The following EBF1 variants were observed in gnomAD, a reference collection of about 807,000 sequenced individuals.
EBF1 encodes EBF transcription factor 1.
In EBF1, 10 loss-of-function variants were observed where a neutral mutation model predicts 68.4. The observed-to-expected ratio is 0.15, with a 90% CI of 0.09 to 0.25. The LOEUF is 0.25. Among genes scored for constraint, EBF1 ranks in the 10% least tolerant of loss-of-function variants. EBF1 has a pLI of 1.00. For missense variants in EBF1, 509 were observed against 794.4 expected (o/e 0.64, Z 4.32); for synonymous variants, 298 against 299.8 (o/e 0.99, Z 0.06).
intron 3 of EBF1, 173 bp downstream of exon 3, chr5:159,096,170 A>AGGAGCCTCCTCAGGT: frequency 1.5e-6 from 1 of 663,546 alleles, no homozygotes; most frequent in Non-Finnish European, 2.5e-6. Context: ...TTGGGCCACT[A>AGGAGCCTCCTCAGGT]GGAGCCTCCT....
intron 6 of EBF1, among the ~76,000 whole-genome samples, chr5:158,995,586 A>C (rs957665721): frequency 2.0e-5 from 3 of 152,186 alleles, no homozygotes; most frequent in African/African-American, 7.2e-5. Flanking sequence ...CGAACAGGGC[A>C]TCCTGTGGAG....
At chr5:158,866,855 A>ATG (rs56344121) in intron 6 of EBF1, among the ~76,000 whole-genome samples, 199 of 12,254 alleles carry the variant, frequency 0.016, 4 homozygotes, top group South Asian at 0.037. Context: ...ATATATATAT[A>ATG]TATATATATA....
At chr5:158,842,254 CT>C (rs982020208) in intron 6 of EBF1, among the ~76,000 whole-genome samples, 5 of 152,224 alleles carry the variant, frequency 3.3e-5, no homozygotes, top group African/African-American at 1.2e-4. Context: ...GGTAGCCCTG[CT>C]GATCACACAT....
At chr5:158,699,280 T>G in intron 15 of EBF1, 138 bp from the exon 16 acceptor site, 1 of 749,690 alleles carries the variant, frequency 1.3e-6, no homozygotes, top group Non-Finnish European at 2.1e-6. Flanking sequence ...TGCTCTCATC[T>G]TCTCTGGAAT....
At chr5:158,707,655 A>G (rs557094080) in intron 15 of EBF1, 2 of 332,220 alleles carry the variant, frequency 6.0e-6, no homozygotes, top group African/African-American at 2.0e-5. Context: ...GGCGACCACA[A>G]GGAGTGAAAG....
intron 5 of EBF1, among the ~76,000 whole-genome samples, chr5:159,076,998 A>G (rs1404609960): frequency 1.3e-5 from 2 of 152,248 alleles, no homozygotes; most frequent in East Asian, 3.8e-4. Context: ...GCAGAATACT[A>G]TTCAAAGTAT....
rs543054774 is a variant in EBF1 at position 159,081,861 on chromosome 5, G to A, written c.485+2805C>T. On this transcript the variant is annotated intron_variant, in intron 5 of 15. Transcript: ENST00000313708. The stretch of plus-strand genomic sequence containing the variant: ...TGTGGGGCCGTATTATTTTAAGAGC[G>A]TAGCCAACAGGTATAGCAAAATGTA... 5.9e-5 allele frequency among the ~76,000 whole-genome samples: 9 copies of A among 152,234 alleles called. No individual in the cohort carries two copies. In the South Asian group the frequency reaches 1.5e-3, roughly 25 times the overall value.
At chr5:158,981,723 T>G (rs1263784933) in intron 6 of EBF1, among the ~76,000 whole-genome samples, 1 of 152,222 alleles carries the variant, frequency 6.6e-6, no homozygotes, top group Non-Finnish European at 1.5e-5. Flanking sequence ...GTGCACATGA[T>G]ATAATCCACA....
At chr5:158,789,706 G>A (rs1778208996) in intron 9 of EBF1, among the ~76,000 whole-genome samples, 1 of 152,120 alleles carries the variant, frequency 6.6e-6, no homozygotes, top group African/African-American at 2.4e-5. Context: ...CTGAAAAAAG[G>A]TTTCTCAAGG....
rs543938981 is a variant in EBF1, at chr5:158,930,277, T to G, written c.555-90167A>C. 4.0e-5 allele frequency among the ~76,000 whole-genome samples: 6 copies of G among 150,272 alleles called. No homozygotes were observed. The East Asian group carries it at 7.8e-4, about 19-fold the overall frequency. On this transcript the variant is annotated intron_variant, in intron 6 of 15. Coordinates refer to ENST00000313708, the MANE Select transcript of EBF1 (RefSeq NM_024007.5). Reference sequence around the variant, plus strand: ...GTTTTTTTGTTTTTTTTTTTGTTTGTTTTTTTTTGGTTGTTAAGTCTCCCA... The same window carrying G: ...GTTTTTTTGTTTTTTTTTTTGTTTGGTTTTTTTTGGTTGTTAAGTCTCCCA...
At chr5:159,011,505 G>C (rs867842168) in intron 6 of EBF1, among the ~76,000 whole-genome samples, 1 of 152,170 alleles carries the variant, frequency 6.6e-6, no homozygotes, top group Non-Finnish European at 1.5e-5. Context: ...GGTAAGTTTG[G>C]GGGGCTGGTT....
chr5:159,038,487 G>A (rs1453206225), intron 6 of EBF1, among the ~76,000 whole-genome samples: 1 of 152,194 alleles, frequency 6.6e-6, no homozygotes, highest in Non-Finnish European at 1.5e-5. Context: ...ATGCAGGGTG[G>A]CACTAGTATT....
intron 6 of EBF1, among the ~76,000 whole-genome samples, chr5:158,878,175 C>T (rs768129955): frequency 5.9e-5 from 9 of 151,878 alleles, no homozygotes; most frequent in Non-Finnish European, 8.8e-5. Flanking sequence ...GACTTTGCAA[C>T]GAACAGCAAT....
intron 6 of EBF1, among the ~76,000 whole-genome samples, chr5:159,042,238 G>C (rs553842376): frequency 3.3e-5 from 5 of 152,156 alleles, no homozygotes; most frequent in Non-Finnish European, 5.9e-5. Context: ...CTGGATCTGA[G>C]AAGATCAGAT....
intron 4 of EBF1, among the ~76,000 whole-genome samples, chr5:159,093,189 C>T (rs1437514551): frequency 6.6e-6 from 1 of 152,158 alleles, no homozygotes; most frequent in Admixed American, 6.5e-5. Context: ...TAACCTACTT[C>T]CAAAACTCTT....
At chr5:159,090,452 T>C (rs1228153650) in intron 4 of EBF1, among the ~76,000 whole-genome samples, 1 of 152,150 alleles carries the variant, frequency 6.6e-6, no homozygotes, top group Non-Finnish European at 1.5e-5. Context: ...GCTTGGCTAC[T>C]GGTGAACAAA....
At chr5:158,904,997 G>A (rs1183415964) in intron 6 of EBF1, among the ~76,000 whole-genome samples, 1 of 152,226 alleles carries the variant, frequency 6.6e-6, no homozygotes, top group Non-Finnish European at 1.5e-5. Flanking sequence ...CTGGCACTGT[G>A]AATTCTCATA....
chr5:159,074,251 C>T (rs988887949), intron 5 of EBF1, among the ~76,000 whole-genome samples: 1 of 152,196 alleles, frequency 6.6e-6, no homozygotes, highest in African/African-American at 2.4e-5. Context: ...TCTCCCCTGC[C>T]AGTTGTGGCT....
At chr5:158,999,289 TA>T (rs148842921) in intron 6 of EBF1, among the ~76,000 whole-genome samples, 9,118 of 152,254 alleles carry the variant, frequency 0.06, 457 homozygotes, top group Non-Finnish European at 0.083. Context: ...TTAGTACTTA[TA>T]ATTAGTTTCC....
Sources: allele counts gnomAD v4.1 joint callset (sites outside exome capture counted in the v4.1 genomes callset), GRCh38; gene constraint gnomAD v4.1.1; transcripts MANE v1.5; gene names NCBI Gene and HGNC (gene_info 2026-07-23, HGNC 2026-07-21).